ERCC3: variants seen among roughly 807,000 people sequenced by gnomAD.
ERCC3 encodes the protein general transcription and DNA repair factor IIH helicase/translocase subunit XPB.
A neutral mutation model predicts 94.2 loss-of-function variants in ERCC3; 66 were observed. The observed-to-expected ratio is 0.70, with a 90% CI of 0.57 to 0.86. ERCC3 has a LOEUF of 0.86. Ranked by LOEUF, ERCC3 falls within the 40% of genes least tolerant of loss-of-function variation. The pLI, the probability that ERCC3 is intolerant of heterozygous loss-of-function variation, is 0.00. For missense variants in ERCC3, 829 were observed against 987.1 expected (o/e 0.84, Z 2.15); for synonymous variants, 349 against 369.1 (o/e 0.95, Z 0.63).
chr2:127,283,995 TGA>T (rs4150438), intron 8 of ERCC3, among the ~76,000 whole-genome samples: 13,237 of 152,286 alleles, frequency 0.087, 755 homozygotes, highest in African/African-American at 0.17. Context: ...CCAGCTCCTT[TGA>T]GAGTGTTCCC....
In ERCC3 at chr2:127,257,376, C is replaced by A; in HGVS notation, c.*220G>T. 1.6e-6 allele frequency: 1 copy of A among 610,802 alleles called. No homozygotes were observed. Among genetic ancestry groups the A allele is most frequent in the East Asian group, 2.9e-5 (1 of 34,800 alleles). 37.8% of individuals were successfully genotyped at this position (610,802 alleles called of 1,614,324 possible). A position where few individuals can be genotyped will look rare whatever the true frequency, so the allele number is the denominator to read the frequency against. On this transcript the variant is annotated 3_prime_UTR_variant, in exon 15 of 15. Transcript: ENST00000285398. This position sits in a 1 kb window ranked among gnomAD's most constrained non-coding sequence, Gnocchi z 5.4. ...ACATTTTTTATATACAGAAATGACC[C>A]CACTCCCCAAAAAGTTTGAAAAAAT...
chr2:127,285,614 C>T lies in ERCC3; in HGVS notation c.1342+1089G>A, dbSNP rs532400061. The stretch of plus-strand genomic sequence containing the variant: ...CTGAGGCAGGAGAATCACTTGAACC[C>T]GGGAGGCAGAGCTTCCAGTGAGCTG... On this transcript the variant is annotated intron_variant, in intron 8 of 14. Coordinates refer to ENST00000285398, the MANE Select transcript of ERCC3 (RefSeq NM_000122.2). Among the ~76,000 whole-genome samples the T allele has an allele frequency of 8.3e-4, 126 of 152,184 alleles. 1 individual carries two copies. Among genetic ancestry groups the T allele is most frequent in the African/African-American group, 2.9e-3 (119 of 41,526 alleles).
rs142433055 is a variant in ERCC3 at position 127,272,165 on chromosome 2, C to T, written c.1827+700G>A. On this transcript the variant is annotated intron_variant, in intron 11 of 14. Coordinates refer to ENST00000285398, the MANE Select transcript of ERCC3 (RefSeq NM_000122.2). ...TCAGCCTCCTGAGTAGTTGGGATTA[C>T]AGGCGTCTGCCACCACACCCAGCTA... 2.3e-3 allele frequency among the ~76,000 whole-genome samples: 352 copies of T among 152,106 alleles called. 1 individual carries two copies. The highest frequency in any genetic ancestry group is 7.7e-3 in the African/African-American group (319 of 41,498).
chr2:127,270,518 T>C (rs1167626547), intron 12 of ERCC3, among the ~76,000 whole-genome samples: 2 of 152,218 alleles, frequency 1.3e-5, no homozygotes, highest in African/African-American at 4.8e-5. Context: ...CCATTTTAAA[T>C]ACAAGCTACT....
Position 127,280,921 on chromosome 2 carries a change from G to C in ERCC3, c.1343-290C>G, listed in dbSNP as rs1490561641. The stretch of plus-strand genomic sequence containing the variant: ...ACCCTTGGGTTTCAGGACCACAGAA[G>C]CTGGCTCTAGACAAGAATGACTAGG... On this transcript the variant is annotated intron_variant, in intron 8 of 14. Transcript: ENST00000285398. This position sits in a 1 kb window ranked among gnomAD's most constrained non-coding sequence, Gnocchi z 6.3. The C allele has an allele frequency of 1.2e-5, 6 of 506,528 alleles. No homozygotes were observed. Among genetic ancestry groups the C allele is most frequent in the Non-Finnish European group, 2.1e-5 (6 of 289,262 alleles). The allele number at this position is 506,528 out of a possible 1,614,324, so 31.4% of individuals were successfully genotyped here. A position where few individuals can be genotyped will look rare whatever the true frequency, so the allele number is the denominator to read the frequency against.
At position 127,294,111 on chromosome 2, in the gene ERCC3, C is replaced by A. The variant is rs763213103; in HGVS notation, c.-30G>T. Reference sequence around the variant, plus strand: ...GCTACAGCAGCAGAGAGAAGATGACCCCGCTCCCACAGGCCCGCCGCGGCA... The same window carrying A: ...GCTACAGCAGCAGAGAGAAGATGACACCGCTCCCACAGGCCCGCCGCGGCA... On this transcript the variant is annotated 5_prime_UTR_variant, in exon 1 of 15. Transcript: ENST00000285398. 4.4e-6 allele frequency: 7 copies of A among 1,603,970 alleles called. No individual in the cohort carries two copies. The South Asian group carries it at 7.7e-5, about 18-fold the overall frequency.
chr2:127,274,056 G>GT lies in ERCC3; in HGVS notation c.1731-1096dup, dbSNP rs1684654974. 6.6e-6 allele frequency among the ~76,000 whole-genome samples: 1 copy of GT among 151,550 alleles called. No individual in the cohort carries two copies. Among genetic ancestry groups the GT allele is most frequent in the African/African-American group, 2.4e-5 (1 of 41,230 alleles). On this transcript the variant is annotated intron_variant, in intron 10 of 14. Transcript: ENST00000285398. The surrounding 1 kb of genome is among the most constrained non-coding windows in gnomAD (Gnocchi z 4.0). Reference sequence around the variant, plus strand: ...CAGCCAGGCGCGGTGGCTCACACCTGTAATCCCAGCACTTTGGGAGGCGGA... The same window carrying GT: ...CAGCCAGGCGCGGTGGCTCACACCTGTTAATCCCAGCACTTTGGGAGGCGGA...
In ERCC3 at chr2:127,264,374, G is replaced by A. The variant is rs1397326533; in HGVS notation, c.1946-3028C>T. Among the ~76,000 whole-genome samples, 3 of 152,300 alleles carry A rather than the reference G, an allele frequency of 2.0e-5. No individual in the cohort carries two copies. Among genetic ancestry groups the A allele is most frequent in the East Asian group, 1.9e-4 (1 of 5,174 alleles). ...CCAGCTACTTGGGAGGCTGAGGCAG[G>A]AGAATAGTTTGAATCTGGGAAGCAG... On this transcript the variant is annotated intron_variant, in intron 12 of 14. Transcript: ENST00000285398. This position sits in a 1 kb window ranked among gnomAD's most constrained non-coding sequence, Gnocchi z 4.4.
chr2:127,279,760 A>T lies in ERCC3; in HGVS notation c.1528-385T>A, dbSNP rs79752782. Among the ~76,000 whole-genome samples, 42 of 141,794 alleles carry T rather than the reference A, an allele frequency of 3.0e-4. No homozygotes were observed. The highest frequency in any genetic ancestry group is 2.2e-3 in the South Asian group (10 of 4,618). The allele number at this position is 141,794 out of a possible 152,430, so 93.0% of individuals were successfully genotyped here. ...GGGTGACAGAGTGAGACCCTGTTTTAAAAAAAAAAAAATGCTATGTGAATT... is the reference window on the plus strand; with the variant it reads ...GGGTGACAGAGTGAGACCCTGTTTTTAAAAAAAAAAAATGCTATGTGAATT... On this transcript the variant is annotated intron_variant, in intron 9 of 14. Coordinates refer to ENST00000285398, the MANE Select transcript of ERCC3 (RefSeq NM_000122.2). This position sits in a 1 kb window ranked among gnomAD's most constrained non-coding sequence, Gnocchi z 4.7.
chr2:127,283,941 A>G (rs1006032334), intron 8 of ERCC3, among the ~76,000 whole-genome samples: 1 of 152,210 alleles, frequency 6.6e-6, no homozygotes, highest in Non-Finnish European at 1.5e-5. Context: ...AGGAAACTCA[A>G]ATTCACACAT....
At chr2:127,265,985 T>G (rs181223212) in intron 12 of ERCC3, among the ~76,000 whole-genome samples, 3 of 152,326 alleles carry the variant, frequency 2.0e-5, no homozygotes, top group Admixed American at 1.3e-4. Context: ...GTTGTATCTG[T>G]TTTCATTTGT....
chr2:127,289,562 T>C, intron 5 of ERCC3, 61 bp from the exon 6 acceptor site: 1 of 1,604,592 alleles, frequency 6.2e-7, no homozygotes, highest in East Asian at 2.2e-5. Flanking sequence ...TATCAAGCAA[T>C]GGGTGAAGTT....
chr2:127,294,118 C>T lies in ERCC3; in HGVS notation c.-37G>A. On this transcript the variant is annotated 5_prime_UTR_variant, in exon 1 of 15. Transcript: ENST00000285398. ...CAGCAGAGAGAAGATGACCCCGCTC[C>T]CACAGGCCCGCCGCGGCATCCGCTC... The T allele has an allele frequency of 6.2e-7, 1 of 1,601,170 alleles. No homozygotes were observed. Among genetic ancestry groups the T allele is most frequent in the South Asian group, 1.1e-5 (1 of 90,580 alleles).
intron 7 of ERCC3, among the ~76,000 whole-genome samples, chr2:127,288,052 A>G (rs1423523134): frequency 6.6e-6 from 1 of 152,194 alleles, no homozygotes; most frequent in Non-Finnish European, 1.5e-5. Context: ...CCTTCCCTGA[A>G]GACCTTGCCT....
intron 10 of ERCC3, among the ~76,000 whole-genome samples, chr2:127,278,562 G>C (rs1273599943): frequency 1.3e-5 from 2 of 152,188 alleles, no homozygotes; most frequent in Admixed American, 6.5e-5. Flanking sequence ...AGCTTGACCT[G>C]TCTCCATAGA....
intron 3 of ERCC3, 40 bp from the exon 4 acceptor site, chr2:127,290,313 T>C: frequency 6.6e-7 from 1 of 1,515,170 alleles, no homozygotes; most frequent in South Asian, 1.1e-5. Context: ...AATGTGCAGC[T>C]AACTCAGAAC....
intron 10 of ERCC3, 136 bp from the exon 11 acceptor site, chr2:127,273,097 CA>C: frequency 7.9e-6 from 5 of 632,966 alleles, no homozygotes; most frequent in Non-Finnish European, 1.4e-5. Flanking sequence ...TCGTTACACC[CA>C]AAAAAATGAC....
At chr2:127,288,097 G>T (rs1573959156) in intron 7 of ERCC3, among the ~76,000 whole-genome samples, 1 of 152,182 alleles carries the variant, frequency 6.6e-6, no homozygotes, top group Non-Finnish European at 1.5e-5. Flanking sequence ...AGGTGAGTCT[G>T]CTGTGGTCTC....
At chr2:127,286,252 C>A (rs899953718) in intron 8 of ERCC3, among the ~76,000 whole-genome samples, 1 of 152,112 alleles carries the variant, frequency 6.6e-6, no homozygotes. Context: ...CTGCCTGCAT[C>A]CCACTTAAGA....
Sources: allele counts gnomAD v4.1 joint callset (sites outside exome capture counted in the v4.1 genomes callset), GRCh38; gene constraint gnomAD v4.1.1; non-coding constraint Gnocchi (gnomAD v3.1); transcripts MANE v1.5; gene names NCBI Gene and HGNC (gene_info 2026-07-23, HGNC 2026-07-21).